B4GALNT3: variants seen among roughly 807,000 people sequenced by gnomAD.
B4GALNT3 encodes the protein beta-1,4-N-acetyl-galactosaminyltransferase 3.
A neutral mutation model predicts 120.2 loss-of-function variants in B4GALNT3; 86 were observed. The ratio of observed to expected loss-of-function variants is 0.72; its 90% confidence interval spans 0.60 to 0.86. B4GALNT3 has a LOEUF of 0.86. Ranked by LOEUF, B4GALNT3 falls within the 40% of genes least tolerant of loss-of-function variation. The pLI, the probability that B4GALNT3 is intolerant of heterozygous loss-of-function variation, is 0.00. For synonymous variants in B4GALNT3, 518 were observed against 510.4 expected (o/e 1.01, Z -0.20); for missense variants, 1,167 against 1,298.9 (o/e 0.90, Z 1.56).
chr12:554,754 C>T (rs1371213245), intron 14 of B4GALNT3, among the ~76,000 whole-genome samples: 4 of 117,970 alleles, frequency 3.4e-5, no homozygotes, highest in East Asian at 2.8e-4. Flanking sequence ...TGCGCCACTG[C>T]ACTCCAGCCT....
chr12:556,468 T>C lies in B4GALNT3; in HGVS notation c.2061-79T>C, dbSNP rs73592399. The C allele has an allele frequency of 0.014, 20,018 of 1,396,752 alleles. 810 individuals are homozygous for C. The African/African-American group carries it at 0.14, about 10-fold the overall frequency. The allele number at this position is 1,396,752 out of a possible 1,614,324, so 86.5% of individuals were successfully genotyped here. ...AAACCAGGGTCTCCCAACAACTAGCTTTGCAGGCTTCTCACACACCGTGCT... is the reference window on the plus strand; with the variant it reads ...AAACCAGGGTCTCCCAACAACTAGCCTTGCAGGCTTCTCACACACCGTGCT... On this transcript the variant is annotated intron_variant, in intron 14 of 19. Coordinates refer to ENST00000266383, the MANE Select transcript of B4GALNT3 (RefSeq NM_173593.4).
chr12:534,039 G>T (rs562726878), intron 1 of B4GALNT3, among the ~76,000 whole-genome samples: 52 of 152,322 alleles, frequency 3.4e-4, no homozygotes, highest in Non-Finnish European at 5.3e-4. Context: ...AGGGGTCGGG[G>T]ACTGTCAGGC....
intron 1 of B4GALNT3, among the ~76,000 whole-genome samples, chr12:492,615 T>A (rs1020662209): frequency 3.0e-4 from 45 of 152,216 alleles, no homozygotes; most frequent in African/African-American, 1.1e-3. Context: ...GGCAAACTGA[T>A]TCTAAAATTT....
At chr12:492,128 C>G (rs981727043) in intron 1 of B4GALNT3, among the ~76,000 whole-genome samples, 1 of 151,058 alleles carries the variant, frequency 6.6e-6, no homozygotes, top group African/African-American at 2.4e-5. Flanking sequence ...GAAGTCCTAT[C>G]TAATGCAATA....
At chr12:558,782 C>A in intron 18 of B4GALNT3, 121 bp downstream of exon 18, 1 of 1,092,282 alleles carries the variant, frequency 9.2e-7, no homozygotes, top group Non-Finnish European at 1.3e-6. Flanking sequence ...CCACCCTGCC[C>A]TCCTGTGGCC....
Position 544,723 on chromosome 12 carries a change from G to C in B4GALNT3, c.448-159G>C, listed in dbSNP as rs138912908. 4.0e-3 allele frequency among the ~76,000 whole-genome samples: 615 copies of C among 152,258 alleles called. 2 individuals carry two copies. The highest frequency in any genetic ancestry group is 0.024 in the Middle Eastern group (7 of 294). On this transcript the variant is annotated intron_variant, in intron 4 of 19. Coordinates refer to ENST00000266383, the MANE Select transcript of B4GALNT3 (RefSeq NM_173593.4). ...CACTGTACAAGGTCTCCTGGACAAAGAGGCAAATGGGAACTGAAATTGAGC... is the reference window on the plus strand; with the variant it reads ...CACTGTACAAGGTCTCCTGGACAAACAGGCAAATGGGAACTGAAATTGAGC...
At chr12:555,282 C>T (rs756430143) in intron 14 of B4GALNT3, 3 of 451,170 alleles carry the variant, frequency 6.6e-6, no homozygotes, top group Non-Finnish European at 1.3e-5. Flanking sequence ...AACTACTTTC[C>T]TTTCTAGCTC....
rs560940681 is a variant in B4GALNT3 at position 536,671 on chromosome 12, A to G, written c.351+376A>G. Among the ~76,000 whole-genome samples, 8 of 152,102 alleles carry G rather than the reference A, an allele frequency of 5.3e-5. No homozygotes were observed. In the East Asian group the frequency reaches 1.5e-3, roughly 29 times the overall value. The stretch of plus-strand genomic sequence containing the variant: ...TTTAGTGATTTCATGAAAATTTTTC[A>G]CTCCACGCGTTCCAGGTTGATTCAA... On this transcript the variant is annotated intron_variant, in intron 3 of 19. Transcript: ENST00000266383.
chr12:538,222 A>C (rs1203857533), intron 3 of B4GALNT3, among the ~76,000 whole-genome samples: 3 of 152,178 alleles, frequency 2.0e-5, no homozygotes, highest in Non-Finnish European at 4.4e-5. Context: ...CATATGTATA[A>C]ACATATAATG....
At chr12:487,768 A>G (rs904252792) in intron 1 of B4GALNT3, among the ~76,000 whole-genome samples, 8 of 151,874 alleles carry the variant, frequency 5.3e-5, no homozygotes, top group African/African-American at 1.9e-4. Context: ...AGCCTGGGAA[A>G]CATAGTAAAA....
intron 6 of B4GALNT3, 59 bp downstream of exon 6, chr12:545,528 C>A: frequency 6.8e-7 from 1 of 1,464,158 alleles, no homozygotes; most frequent in Non-Finnish European, 9.3e-7. Flanking sequence ...TCATTGAGTC[C>A]TCCAGCAGCT....
chr12:550,001 G>A lies in B4GALNT3; in HGVS notation c.997+89G>A, dbSNP rs373049578. ...ATGGTGGAGAAGGCTTGAGAGACCT[G>A]CCAAGTATCCCAATCACCGTAGAAC... On this transcript the variant is annotated intron_variant, in intron 10 of 19. Coordinates refer to ENST00000266383, the MANE Select transcript of B4GALNT3 (RefSeq NM_173593.4). This position sits in a 1 kb window ranked among gnomAD's most constrained non-coding sequence, Gnocchi z 4.1. 7.1e-7 allele frequency: 1 copy of A among 1,409,618 alleles called. No homozygotes were observed. The highest frequency in any genetic ancestry group is 9.7e-7 in the Non-Finnish European group (1 of 1,035,998). The allele number at this position is 1,409,618 out of a possible 1,614,324, so 87.3% of individuals were successfully genotyped here. A position where few individuals can be genotyped will look rare whatever the true frequency, so the allele number is the denominator to read the frequency against.
Position 482,055 on chromosome 12 carries a change from G to A in B4GALNT3, c.169+21510G>A, listed in dbSNP as rs149061491. Among the ~76,000 whole-genome samples the A allele has an allele frequency of 3.3e-5, 5 of 152,166 alleles. No homozygotes were observed. In the East Asian group the frequency reaches 5.8e-4, roughly 18 times the overall value. On this transcript the variant is annotated intron_variant, in intron 1 of 19. Coordinates refer to ENST00000266383, the MANE Select transcript of B4GALNT3 (RefSeq NM_173593.4). The stretch of plus-strand genomic sequence containing the variant: ...TAAATCCAGCCTCCCACTCAACCCC[G>A]AGCCAATAATCTAATTGAGTGCTTC...
chr12:511,134 A>G (rs1946545664), intron 1 of B4GALNT3, among the ~76,000 whole-genome samples: 1 of 140,496 alleles, frequency 7.1e-6, no homozygotes, highest in Non-Finnish European at 1.5e-5. Flanking sequence ...AGCTCAAGGT[A>G]TTCTCCCACC....
chr12:526,814 C>G (rs1456642589), intron 1 of B4GALNT3, among the ~76,000 whole-genome samples: 2 of 152,136 alleles, frequency 1.3e-5, no homozygotes, highest in Non-Finnish European at 2.9e-5. Context: ...TGGGCTGGGT[C>G]CAGACAGACT....
At position 555,991 on chromosome 12, in the gene B4GALNT3, G is replaced by T. The variant is rs569013415; in HGVS notation, c.2061-556G>T. Reference sequence around the variant, plus strand: ...GTAGAGACAGGGTTTCACCATATTAGCCAGGCTGGTCTTGATCTCCTGACC... The same window carrying T: ...GTAGAGACAGGGTTTCACCATATTATCCAGGCTGGTCTTGATCTCCTGACC... On this transcript the variant is annotated intron_variant, in intron 14 of 19. Coordinates refer to ENST00000266383, the MANE Select transcript of B4GALNT3 (RefSeq NM_173593.4). 6.6e-5 allele frequency among the ~76,000 whole-genome samples: 10 copies of T among 151,540 alleles called. No individual in the cohort carries two copies. In the South Asian group the frequency reaches 2.1e-3, roughly 32 times the overall value.
intron 1 of B4GALNT3, among the ~76,000 whole-genome samples, chr12:523,245 G>A (rs530390427): frequency 1.3e-5 from 2 of 152,274 alleles, no homozygotes; most frequent in African/African-American, 4.8e-5. Flanking sequence ...GTTCTAGCAT[G>A]ATAAATATGC....
In B4GALNT3 at chr12:460,997, C is replaced by G. The variant is rs1357476015; in HGVS notation, c.169+452C>G. Reference sequence around the variant, plus strand: ...AGGCGCGCGCTCCAGTCCGCGCAGCCCAAACTTTGCCCACCGCCTTCTGTT... The same window carrying G: ...AGGCGCGCGCTCCAGTCCGCGCAGCGCAAACTTTGCCCACCGCCTTCTGTT... On this transcript the variant is annotated intron_variant, in intron 1 of 19. Transcript: ENST00000266383. This position sits in a 1 kb window ranked among gnomAD's most constrained non-coding sequence, Gnocchi z 8.0. 6.6e-6 allele frequency among the ~76,000 whole-genome samples: 1 copy of G among 152,132 alleles called. No individual in the cohort carries two copies. Among genetic ancestry groups the G allele is most frequent in the Non-Finnish European group, 1.5e-5 (1 of 68,018 alleles).
intron 1 of B4GALNT3, among the ~76,000 whole-genome samples, chr12:472,531 G>A (rs895001738): frequency 5.3e-5 from 8 of 152,138 alleles, no homozygotes; most frequent in Admixed American, 3.3e-4. Context: ...TCCGCCTCCC[G>A]GGTTCACGCC....
Sources: gnomAD v4.1 joint callset for allele counts (sites outside exome capture counted in the v4.1 genomes callset) on GRCh38, gnomAD v4.1.1 for gene constraint, Gnocchi (gnomAD v3.1) non-coding constraint, MANE v1.5 for transcripts, NCBI Gene and HGNC (gene_info 2026-07-23, HGNC 2026-07-21) for gene names.